Variants in OPTN observed in about 807,000 individuals in gnomAD.
OPTN encodes the protein E3-14.7K-interacting protein.
In OPTN, 54 loss-of-function variants were observed where a neutral mutation model predicts 70.4. The observed-to-expected ratio is 0.77, with a 90% confidence interval of 0.62 to 0.96. OPTN has a LOEUF of 0.96. OPTN is among the 40% of genes least tolerant of loss of function. OPTN has a pLI of 0.00. For synonymous variants in OPTN, 256 were observed against 248.5 expected, an observed-to-expected ratio of 1.03 and a Z score of -0.28; for missense variants, 624 against 673.2, an observed-to-expected ratio of 0.93 and a Z score of 0.81.
At chr10:13,128,885 A>G (rs1424772269) in intron 12 of OPTN, among the ~76,000 whole-genome samples, 2 of 152,072 alleles carry the variant, frequency 1.3e-5, no homozygotes, top group Non-Finnish European at 2.9e-5. Context: ...TATACTGCAC[A>G]TACAAGTCTT....
At chr10:13,109,671 T>A (rs1274879607) in intron 3 of OPTN, 41 of 130,816 alleles carry the variant, frequency 3.1e-4, no homozygotes, top group Middle Eastern at 3.9e-3. Context: ...ACAAAAAAAT[T>A]AAAAAAAAAA....
Position 13,137,035 on chromosome 10 carries a change from T to G in OPTN, c.*169T>G. ...TGGCTCATGCCTGTAATCCCAGCAC[T>G]TTGGGAGGTCGAGGTGGGTGGATCA... On this transcript the variant is annotated 3_prime_UTR_variant, in exon 15 of 15. Transcript: ENST00000378747. 2 of 832,872 alleles carry G rather than the reference T, an allele frequency of 2.4e-6. No individual in the cohort carries two copies. The highest frequency in any genetic ancestry group is 3.9e-6 in the Non-Finnish European group (2 of 512,856). 51.6% of individuals were successfully genotyped at this position (832,872 alleles called of 1,614,324 possible). A position where few individuals can be genotyped will look rare whatever the true frequency, so the allele number is the denominator to read the frequency against.
intron 7 of OPTN, among the ~76,000 whole-genome samples, chr10:13,122,080 A>G (rs1040064754): frequency 2.6e-5 from 4 of 152,242 alleles, no homozygotes; most frequent in Non-Finnish European, 5.9e-5. Flanking sequence ...ACATGCATCC[A>G]CATGTGTAAA....
In OPTN at chr10:13,110,373, A is replaced by G. The variant is rs147274458; in HGVS notation, c.266A>G (p.Gln89Arg). Residue 89 changes from glutamine to arginine, a missense_variant, in exon 4 of 15, where the codon CAG (glutamine) becomes CGG (arginine). Physicochemically the swap from Gln to Arg is conservative, Grantham distance 43. Coordinates refer to ENST00000378747, the MANE Select transcript of OPTN (RefSeq NM_001008212.2). ...QKEERQFFEI[Q>R]SKEAKERLMA... ...GAAGAACGCCAGTTTTTTGAGATAC[A>G]GAGCAAAGAAGCAAAAGAGCGTCTA... is the stretch of plus-strand genomic sequence containing the variant. 1 of 1,614,188 alleles carries G rather than the reference A, an allele frequency of 6.2e-7. No individual in the cohort carries two copies. The highest frequency in any genetic ancestry group is 8.5e-7 in the Non-Finnish European group (1 of 1,180,032).
Position 13,123,996 on chromosome 10 carries a change from T to C in OPTN, c.884T>C (p.Val295Ala), listed in dbSNP as rs777578479. ...ENDEEKGPET[V>A]GSEVEALNLQ... ...TGTTTGGGATTTCCCGTATGATAGG[T>C]TGGAAGCGAAGTGGAAGCACTGAAC... Residue 295 changes from valine (V) to alanine (A), a missense_variant and splice_region_variant, in exon 9 of 15, where the codon GTT becomes GCT. Transcript: ENST00000378747. 2 of 1,609,886 alleles carry C rather than the reference T, an allele frequency of 1.2e-6. No homozygotes were observed. The highest frequency in any genetic ancestry group is 1.1e-5 in the South Asian group (1 of 90,936).
At chr10:13,102,872 G>A (rs920860600) in intron 1 of OPTN, among the ~76,000 whole-genome samples, 2 of 152,128 alleles carry the variant, frequency 1.3e-5, no homozygotes, top group Admixed American at 1.3e-4. Flanking sequence ...GAACCTGGGA[G>A]GCGGAGGTTG....
intron 3 of OPTN, 76 bp downstream of exon 3, chr10:13,109,364 G>A: frequency 1.4e-6 from 2 of 1,466,548 alleles, no homozygotes; most frequent in Non-Finnish European, 1.9e-6. Flanking sequence ...ACTAAGGCTT[G>A]GTGGTGAGCT....
In OPTN at chr10:13,110,384, G is replaced by C. The variant is rs1554768379; in HGVS notation, c.277G>C (p.Ala93Pro). Reference sequence around the variant, plus strand: ...GTTTTTTGAGATACAGAGCAAAGAAGCAAAAGAGCGTCTAATGGCCTTGAG... The same window carrying C: ...GTTTTTTGAGATACAGAGCAAAGAACCAAAAGAGCGTCTAATGGCCTTGAG... ...RQFFEIQSKE[A>P]KERLMALSHE... The change falls in exon 4 of 15, where the codon GCA becomes CCA. Residue 93 changes from alanine to proline, a missense_variant. Coordinates refer to ENST00000378747, the MANE Select transcript of OPTN (RefSeq NM_001008212.2). 1 of 1,614,118 alleles carries C rather than the reference G, an allele frequency of 6.2e-7. No individual in the cohort carries two copies. The highest frequency in any genetic ancestry group is 2.2e-5 in the East Asian group (1 of 44,876).
At chr10:13,108,991 G>A in intron 2 of OPTN, 121 bp from the exon 3 acceptor site, 1 of 855,952 alleles carries the variant, frequency 1.2e-6, no homozygotes, top group Non-Finnish European at 2.0e-6. Flanking sequence ...AAATGTAACT[G>A]GAGAGAAAGT....
At chr10:13,112,031 G>T (rs1833016945) in intron 4 of OPTN, among the ~76,000 whole-genome samples, 1 of 151,180 alleles carries the variant, frequency 6.6e-6, no homozygotes, top group Admixed American at 6.6e-5. Flanking sequence ...TGTATTTTTA[G>T]TAGAGACGGG....
intron 12 of OPTN, 39 bp from the exon 13 acceptor site, chr10:13,132,028 T>A (rs1327482407): frequency 5.6e-6 from 9 of 1,600,774 alleles, no homozygotes; most frequent in Non-Finnish European, 7.7e-6. Flanking sequence ...TCTGCATTCA[T>A]CTAGGTACTA....
intron 7 of OPTN, 92 bp downstream of exon 7, chr10:13,119,132 A>G (rs1833286342): frequency 8.4e-7 from 1 of 1,187,062 alleles, no homozygotes; most frequent in Non-Finnish European, 1.2e-6. Context: ...CATTTAAAGT[A>G]TACATTTCAG....
At chr10:13,134,838 A>C (rs1833666430) in intron 14 of OPTN, among the ~76,000 whole-genome samples, 1 of 152,212 alleles carries the variant, frequency 6.6e-6, no homozygotes, top group African/African-American at 2.4e-5. Context: ...AACAGAATGT[A>C]CCTTCTCAGA....
intron 12 of OPTN, among the ~76,000 whole-genome samples, chr10:13,131,158 C>T (rs2131527027): frequency 6.6e-6 from 1 of 152,260 alleles, no homozygotes; most frequent in East Asian, 1.9e-4. Flanking sequence ...CTCAGTTCCT[C>T]ACCATGTGGT....
Position 13,120,051 on chromosome 10 carries a change from C to T in OPTN, c.779+1011C>T, listed in dbSNP as rs1454698112. Among the ~76,000 whole-genome samples the T allele has an allele frequency of 4.8e-5, 7 of 147,196 alleles. No homozygotes were observed. The East Asian group carries it at 6.0e-4, about 13-fold the overall frequency. On this transcript the variant is annotated intron_variant, in intron 7 of 14. Transcript: ENST00000378747. ...AGGCTGGAGTGCAGTGGCGCAATCT[C>T]GGCTCACTGCAAGCTCCGCCTCCCG...
intron 6 of OPTN, among the ~76,000 whole-genome samples, chr10:13,118,225 C>T (rs540146320): frequency 8.5e-5 from 13 of 152,304 alleles, no homozygotes; most frequent in African/African-American, 3.1e-4. Flanking sequence ...ATTAGCTATG[C>T]GAACCTGAGT....
chr10:13,111,168 G>C (rs1369492473), intron 4 of OPTN, among the ~76,000 whole-genome samples: 1 of 152,120 alleles, frequency 6.6e-6, no homozygotes, highest in Non-Finnish European at 1.5e-5. Flanking sequence ...GGTGGGCTTT[G>C]ATGGGAGGAA....
chr10:13,130,160 C>A (rs1415066986), intron 12 of OPTN, among the ~76,000 whole-genome samples: 1 of 152,104 alleles, frequency 6.6e-6, no homozygotes, highest in Non-Finnish European at 1.5e-5. Context: ...GGCATGGTGG[C>A]TCACACCTGT....
intron 11 of OPTN, among the ~76,000 whole-genome samples, chr10:13,127,353 A>G (rs893825595): frequency 6.6e-6 from 1 of 152,232 alleles, no homozygotes; most frequent in South Asian, 2.1e-4. Flanking sequence ...GACTGCAGGA[A>G]GTAACAAGTG....
Sources: allele counts gnomAD v4.1 joint callset (sites outside exome capture counted in the v4.1 genomes callset), GRCh38; gene constraint gnomAD v4.1.1; transcripts MANE v1.5; gene names NCBI Gene and HGNC (gene_info 2026-07-23, HGNC 2026-07-21).